FGGY: variants seen among roughly 807,000 people sequenced by gnomAD.
FGGY encodes FGGY carbohydrate kinase domain-containing protein.
In FGGY, 72 loss-of-function variants were observed where a neutral mutation model predicts 71.3. The ratio of observed to expected loss-of-function variants is 1.01; its 90% confidence interval spans 0.84 to 1.23. The LOEUF is 1.23. FGGY is among the 50% of genes most tolerant of loss of function. The probability of loss-of-function intolerance (pLI) is 0.00; values close to 1 mark genes in which losing one functional copy is unlikely to be tolerated. For synonymous variants in FGGY, 251 were observed against 250.3 expected (o/e 1.00, Z -0.02); for missense variants, 668 against 682.3 (o/e 0.98, Z 0.23).
chr1:59,567,799 A>G (rs368055056), intron 8 of FGGY, among the ~76,000 whole-genome samples: 1 of 151,464 alleles, frequency 6.6e-6, no homozygotes, highest in East Asian at 1.9e-4. Flanking sequence ...CTGGTCCTGA[A>G]TATTAAATCT....
intron 5 of FGGY, among the ~76,000 whole-genome samples, chr1:59,436,736 C>G (rs1237956909): frequency 2.0e-5 from 3 of 152,070 alleles, no homozygotes; most frequent in Non-Finnish European, 4.4e-5. Context: ...TCAGCCTGTG[C>G]CTGGAGACTG....
chr1:59,627,044 C>T (rs2153837876), intron 10 of FGGY, among the ~76,000 whole-genome samples: 1 of 152,106 alleles, frequency 6.6e-6, no homozygotes, highest in East Asian at 1.9e-4. Flanking sequence ...CCTCATGTCC[C>T]TGATACCCCG....
chr1:59,384,289 A>AG (rs1403719703), intron 5 of FGGY, among the ~76,000 whole-genome samples: 1 of 152,142 alleles, frequency 6.6e-6, no homozygotes, highest in East Asian at 1.9e-4. Flanking sequence ...TCTCTTCCAG[A>AG]GAGCAAAGCC....
intron 5 of FGGY, among the ~76,000 whole-genome samples, chr1:59,440,404 T>C (rs2069536200): frequency 6.6e-6 from 1 of 152,076 alleles, no homozygotes; most frequent in African/African-American, 2.4e-5. Context: ...CTGATCTCTT[T>C]TGTTTGTGGG....
chr1:59,561,016 T>C (rs187127755), intron 8 of FGGY, among the ~76,000 whole-genome samples: 2 of 152,318 alleles, frequency 1.3e-5, no homozygotes, highest in African/African-American at 4.8e-5. Flanking sequence ...CTGAGCAGGA[T>C]GTGGGTGTGT....
chr1:59,320,840 G>A (rs1193349688), intron 1 of FGGY, among the ~76,000 whole-genome samples: 1 of 152,236 alleles, frequency 6.6e-6, no homozygotes, highest in African/African-American at 2.4e-5. Context: ...GCCCCTGAAT[G>A]AAGCTGATTA....
At chr1:59,432,144 A>G (rs925249436) in intron 5 of FGGY, among the ~76,000 whole-genome samples, 1 of 152,176 alleles carries the variant, frequency 6.6e-6, no homozygotes. Flanking sequence ...TGGGGTTTGG[A>G]GAGCTCCCGG....
At chr1:59,676,828 G>A (rs1346233027) in intron 14 of FGGY, among the ~76,000 whole-genome samples, 2 of 152,122 alleles carry the variant, frequency 1.3e-5, no homozygotes, top group African/African-American at 4.8e-5. Flanking sequence ...AGCTGAGAGA[G>A]TCCTGAGGTC....
At chr1:59,462,575 A>T (rs1255673681) in intron 6 of FGGY, among the ~76,000 whole-genome samples, 1 of 152,250 alleles carries the variant, frequency 6.6e-6, no homozygotes, top group East Asian at 1.9e-4. Context: ...AAGGGCTAAT[A>T]TCCAGAATCT....
chr1:59,602,367 T>C (rs2096586443), intron 8 of FGGY, among the ~76,000 whole-genome samples: 1 of 152,238 alleles, frequency 6.6e-6, no homozygotes, highest in Non-Finnish European at 1.5e-5. Flanking sequence ...GAAGAGTCTG[T>C]AGCATATGAT....
At chr1:59,412,618 A>G (rs1397306776) in intron 5 of FGGY, among the ~76,000 whole-genome samples, 1 of 152,120 alleles carries the variant, frequency 6.6e-6, no homozygotes, top group Non-Finnish European at 1.5e-5. Flanking sequence ...CTTTCACACT[A>G]TCACATTTTC....
intron 5 of FGGY, among the ~76,000 whole-genome samples, chr1:59,386,035 A>C (rs2060029591): frequency 6.6e-6 from 1 of 152,186 alleles, no homozygotes; most frequent in Admixed American, 6.5e-5. Flanking sequence ...AAATAGTTTT[A>C]GGATTATAGA....
chr1:59,559,868 A>G (rs2095757415), intron 8 of FGGY, among the ~76,000 whole-genome samples: 1 of 152,222 alleles, frequency 6.6e-6, no homozygotes, highest in Non-Finnish European at 1.5e-5. Context: ...GACATAAATT[A>G]TTTTGAATAA....
At chr1:59,731,220 C>T (rs932536315) in intron 14 of FGGY, among the ~76,000 whole-genome samples, 1 of 152,192 alleles carries the variant, frequency 6.6e-6, no homozygotes, top group Non-Finnish European at 1.5e-5. Context: ...ATCAGGGCTG[C>T]TTTGCAAATG....
intron 11 of FGGY, among the ~76,000 whole-genome samples, chr1:59,639,814 T>C (rs953692811): frequency 6.6e-6 from 1 of 152,186 alleles, no homozygotes; most frequent in Non-Finnish European, 1.5e-5. Context: ...CTAGCCAATG[T>C]CTGTCATACC....
intron 14 of FGGY, among the ~76,000 whole-genome samples, chr1:59,711,519 G>C (rs1384656683): frequency 1.3e-5 from 2 of 152,240 alleles, no homozygotes; most frequent in East Asian, 3.8e-4. Flanking sequence ...TTTCTGGATA[G>C]AGCTCTGTGC....
chr1:59,411,784 C>A (rs1420028834), intron 5 of FGGY, among the ~76,000 whole-genome samples: 1 of 151,992 alleles, frequency 6.6e-6, no homozygotes, highest in Admixed American at 6.6e-5. Flanking sequence ...CAATGGGGAT[C>A]CCTTCAAATT....
chr1:59,567,855 CTT>C (rs1285232547), intron 8 of FGGY, among the ~76,000 whole-genome samples: 1 of 149,656 alleles, frequency 6.7e-6, no homozygotes, highest in Non-Finnish European at 1.5e-5. Flanking sequence ...ATAAAAAATC[CTT>C]TGTCAAGTCT....
intron 4 of FGGY, among the ~76,000 whole-genome samples, chr1:59,351,164 GTT>G (rs1386976668): frequency 6.6e-6 from 1 of 152,208 alleles, no homozygotes; most frequent in African/African-American, 2.4e-5. Flanking sequence ...TTTATGTGTT[GTT>G]TATGTCTGTT....
Sources: allele counts gnomAD v4.1 joint callset (sites outside exome capture counted in the v4.1 genomes callset), GRCh38; gene constraint gnomAD v4.1.1; transcripts MANE v1.5; gene names NCBI Gene and HGNC (gene_info 2026-07-23, HGNC 2026-07-21).